FARP2: variants seen among roughly 807,000 people sequenced by gnomAD.
The protein encoded by FARP2 is FERM, ARHGEF and pleckstrin domain-containing protein 2.
A neutral mutation model predicts 130.5 loss-of-function variants in FARP2; 111 were observed. The observed-to-expected ratio is 0.85, with a 90% confidence interval of 0.73 to 1.00. The LOEUF (loss-of-function observed/expected upper bound fraction) is 1.00. FARP2 is among the 50% of genes least tolerant of loss of function. FARP2 has a pLI of 0.00. For missense variants in FARP2, 1,385 were observed against 1,346.3 expected (o/e 1.03, Z -0.45); for synonymous variants, 504 against 516.9 (o/e 0.98, Z 0.34).
rs2064917547 is a variant in FARP2, at chr2:241,491,635, CG to C, written c.2745del (p.Asn916ThrfsTer22). The C allele has an allele frequency of 6.2e-7, 1 of 1,613,230 alleles. No individual in the cohort carries two copies. Among genetic ancestry groups the C allele is most frequent in the South Asian group, 1.1e-5 (1 of 91,032 alleles). ...CACCACAATGCACGTGTGCTGGTACCGGAACACCAGCGTGTCCAGGGCAGAC... is the reference window on the plus strand; with the variant it reads ...CACCACAATGCACGTGTGCTGGTACCGAACACCAGCGTGTCCAGGGCAGAC... ...ANTTMHVCWY[R>X]NTSVSRADHS... On this transcript the variant is annotated frameshift_variant, in exon 24 of 27. Transcript: ENST00000264042. LOFTEE classifies it high-confidence loss of function.
intron 4 of FARP2, among the ~76,000 whole-genome samples, chr2:241,406,289 C>T (rs1185897357): frequency 2.6e-5 from 4 of 151,908 alleles, no homozygotes; most frequent in Admixed American, 2.0e-4. Flanking sequence ...GCCTGGGCGA[C>T]AGAGAGAGAC....
intron 8 of FARP2, among the ~76,000 whole-genome samples, chr2:241,422,760 G>C (rs987354230): frequency 3.3e-5 from 5 of 152,186 alleles, no homozygotes; most frequent in Non-Finnish European, 5.9e-5. Flanking sequence ...AGCCGGTTTT[G>C]AGAGAAACAT....
chr2:241,374,686 G>A (rs575463433), intron 2 of FARP2, among the ~76,000 whole-genome samples: 13 of 152,308 alleles, frequency 8.5e-5, no homozygotes, highest in African/African-American at 3.1e-4. Flanking sequence ...TATGGAGGGT[G>A]TAAGAACTCA....
At position 241,404,813 on chromosome 2, in the gene FARP2, T is replaced by A. The variant is rs1305656018; in HGVS notation, c.303T>A (p.Pro101=). The A allele has an allele frequency of 6.2e-7, 1 of 1,609,400 alleles. No homozygotes were observed. Among genetic ancestry groups the A allele is most frequent in the South Asian group, 1.1e-5 (1 of 90,948 alleles). ...CTCTTCTTTAGATTTGGCTTGAACCTATGAAACCCATCATTAGGCAAATAC... is the reference window on the plus strand; with the variant it reads ...CTCTTCTTTAGATTTGGCTTGAACCAATGAAACCCATCATTAGGCAAATAC... ...NTQSYWIWLE[P]MKPIIRQIRR... The change falls in exon 4 of 27, where the codon CCT becomes CCA. Residue 101 remains proline, a synonymous_variant. Coordinates refer to ENST00000264042, the MANE Select transcript of FARP2 (RefSeq NM_014808.4).
In FARP2 at chr2:241,494,652, AC is replaced by A. The variant is rs1358382365; in HGVS notation, c.*528del. ...GGCCTGCCCTGCAGGTCACAGCTAAACAAGTCTGGCAGAAGCCACGCTTGTT... is the reference window on the plus strand; with the variant it reads ...GGCCTGCCCTGCAGGTCACAGCTAAAAAGTCTGGCAGAAGCCACGCTTGTT... On this transcript the variant is annotated 3_prime_UTR_variant, in exon 27 of 27. Transcript: ENST00000264042. This position sits in a 1 kb window ranked among gnomAD's most constrained non-coding sequence, Gnocchi z 4.9. 1 of 152,128 alleles carries A rather than the reference AC, an allele frequency of 6.6e-6. No homozygotes were observed. Among genetic ancestry groups the A allele is most frequent in the Admixed American group, 6.5e-5 (1 of 15,282 alleles). 9.4% of individuals were successfully genotyped at this position (152,128 alleles called of 1,614,324 possible).
At chr2:241,477,878 A>G (rs2064515115) in intron 19 of FARP2, 2 of 152,844 alleles carry the variant, frequency 1.3e-5, no homozygotes, top group Non-Finnish European at 2.9e-5. Flanking sequence ...TGTCTATTCA[A>G]ATCCTTTGCC....
At chr2:241,372,537 G>A (rs1455901248) in intron 1 of FARP2, 2 of 152,218 alleles carry the variant, frequency 1.3e-5, no homozygotes, top group East Asian at 3.9e-4. Flanking sequence ...TCCACATAAA[G>A]TCAGCAGAGG....
chr2:241,434,614 G>T (rs570542378), intron 10 of FARP2, among the ~76,000 whole-genome samples: 35 of 152,352 alleles, frequency 2.3e-4, no homozygotes, highest in African/African-American at 8.4e-4. Context: ...CACTTTGGAA[G>T]GCCAAGGCGG....
In FARP2 at chr2:241,484,227, C is replaced by T; in HGVS notation, c.2332-15C>T. The T allele has an allele frequency of 6.2e-7, 1 of 1,614,036 alleles. No homozygotes were observed. Among genetic ancestry groups the T allele is most frequent in the East Asian group, 2.2e-5 (1 of 44,884 alleles). On this transcript the variant is annotated splice_polypyrimidine_tract_variant and intron_variant, in intron 20 of 26. Transcript: ENST00000264042. Reference sequence around the variant, plus strand: ...GTTTGTGAAGTTCATGGATGTAAAGCTTGCTGCTTCTCAGTTCTCAGATAT... The same window carrying T: ...GTTTGTGAAGTTCATGGATGTAAAGTTTGCTGCTTCTCAGTTCTCAGATAT...
intron 18 of FARP2, among the ~76,000 whole-genome samples, chr2:241,470,211 G>A (rs1309238064): frequency 6.6e-6 from 1 of 152,240 alleles, no homozygotes; most frequent in African/African-American, 2.4e-5. Flanking sequence ...TGTTGGGGCT[G>A]GCAGAAGCCA....
intron 5 of FARP2, among the ~76,000 whole-genome samples, chr2:241,408,491 C>T (rs1293265084): frequency 2.0e-5 from 3 of 150,676 alleles, no homozygotes; most frequent in South Asian, 2.1e-4. Flanking sequence ...TGCAGTGAGC[C>T]GAGATTGGCA....
At chr2:241,401,595 T>C (rs1199468874) in intron 2 of FARP2, among the ~76,000 whole-genome samples, 2 of 152,156 alleles carry the variant, frequency 1.3e-5, no homozygotes, top group East Asian at 3.9e-4. Flanking sequence ...ACTCCAGGCC[T>C]CAAGCAATCC....
chr2:241,453,839 A>AGTG (rs2063760820), intron 13 of FARP2, among the ~76,000 whole-genome samples: 1 of 117,652 alleles, frequency 8.5e-6, no homozygotes, highest in Non-Finnish European at 1.6e-5. Flanking sequence ...GCTGGAGTGC[A>AGTG]GTGGTGCAAT....
At chr2:241,389,089 T>C (rs1466706130) in intron 2 of FARP2, among the ~76,000 whole-genome samples, 1 of 152,234 alleles carries the variant, frequency 6.6e-6, no homozygotes, top group East Asian at 1.9e-4. Context: ...GAAACCAGCC[T>C]GGCCAACATG....
chr2:241,392,891 C>T (rs1210802378), intron 2 of FARP2, among the ~76,000 whole-genome samples: 2 of 150,076 alleles, frequency 1.3e-5, no homozygotes, highest in Admixed American at 6.7e-5. Context: ...TGCAGTGAGC[C>T]GAGATGGCAC....
At chr2:241,471,688 G>A (rs1435892813) in intron 18 of FARP2, among the ~76,000 whole-genome samples, 7 of 151,912 alleles carry the variant, frequency 4.6e-5, no homozygotes, top group Admixed American at 2.6e-4. Context: ...ATAGAGACGG[G>A]GTTTCACCGT....
chr2:241,441,991 G>A, intron 13 of FARP2: 1 of 361,050 alleles, frequency 2.8e-6, no homozygotes, highest in Non-Finnish European at 5.4e-6. Context: ...CATGGAGGCA[G>A]TAGATATGAA....
chr2:241,371,801 A>G (rs543085152), intron 1 of FARP2, among the ~76,000 whole-genome samples: 2 of 152,268 alleles, frequency 1.3e-5, no homozygotes, highest in East Asian at 3.9e-4. Context: ...TTGATTTTTA[A>G]ACATAAGACA....
At chr2:241,464,561 T>C (rs947503816) in intron 17 of FARP2, among the ~76,000 whole-genome samples, 19 of 137,368 alleles carry the variant, frequency 1.4e-4, no homozygotes, top group African/African-American at 4.1e-4. Context: ...GCAGGGTCCC[T>C]CCAGAGCAGG....
Sources: gnomAD v4.1 joint callset for allele counts (sites outside exome capture counted in the v4.1 genomes callset) on GRCh38, gnomAD v4.1.1 for gene constraint, Gnocchi (gnomAD v3.1) non-coding constraint, MANE v1.5 for transcripts, NCBI Gene and HGNC (gene_info 2026-07-23, HGNC 2026-07-21) for gene names.